SYT1: variants seen among roughly 807,000 people sequenced by gnomAD.
The protein encoded by SYT1 is synaptotagmin 1, also known as synaptotagmin-1.
Under a neutral mutation model 44.8 loss-of-function variants are expected in SYT1, and 8 were observed. The observed-to-expected ratio is 0.18, with a 90% CI of 0.10 to 0.32. The LOEUF (loss-of-function observed/expected upper bound fraction) is 0.32. Among genes scored for constraint, SYT1 ranks in the 10% least tolerant of loss-of-function variants. The pLI, the probability that SYT1 is intolerant of heterozygous loss-of-function variation, is 1.00. For synonymous variants in SYT1, 154 were observed against 188.8 expected (o/e 0.82, Z 1.51); for missense variants, 286 against 509.3 (o/e 0.56, Z 4.22).
chr12:79,279,210 G>A (rs904775836), intron 4 of SYT1, among the ~76,000 whole-genome samples: 1 of 151,272 alleles, frequency 6.6e-6, no homozygotes, highest in Admixed American at 6.6e-5. Flanking sequence ...CAGCCGAATA[G>A]GAAATGTCCC....
intron 9 of SYT1, among the ~76,000 whole-genome samples, chr12:79,437,029 G>A (rs921902481): frequency 6.6e-6 from 1 of 152,088 alleles, no homozygotes; most frequent in Non-Finnish European, 1.5e-5. Context: ...TTTAGATGAG[G>A]AAAGAGAGAA....
In SYT1 at chr12:79,292,014, A is replaced by G; in HGVS notation, c.358A>G (p.Lys120Glu). The G allele has an allele frequency of 1.2e-6, 2 of 1,613,928 alleles. No individual in the cohort carries two copies. The highest frequency in any genetic ancestry group is 1.7e-6 in the Non-Finnish European group (2 of 1,179,984). The change falls in exon 6 of 11, where the codon AAG becomes GAG. Residue 120 changes from lysine to glutamate, a missense_variant. This residue lies in a region of SYT1 where 141 missense variants were observed against 165.7 expected (regional missense o/e 0.85). Transcript: ENST00000261205. ...LGKTMKDQAL[K>E]DDDAETGLTD... ...ATCCTTTCTCTATACATAGGCCCTC[A>G]AGGATGATGATGCTGAAACTGGATT... is the stretch of plus-strand genomic sequence containing the variant.
intron 3 of SYT1, among the ~76,000 whole-genome samples, chr12:79,082,167 G>T (rs1877079058): frequency 6.6e-6 from 1 of 152,158 alleles, no homozygotes; most frequent in African/African-American, 2.4e-5. Context: ...CTTTCTTAGA[G>T]AGGAAGTTAT....
chr12:79,178,519 T>C (rs1364655379), intron 3 of SYT1, among the ~76,000 whole-genome samples: 2 of 151,994 alleles, frequency 1.3e-5, no homozygotes, highest in African/African-American at 4.8e-5. Context: ...GACATTTGTT[T>C]TTTGTTTTGT....
chr12:78,917,800 C>G (rs1462925), intron 1 of SYT1, among the ~76,000 whole-genome samples: 116,874 of 151,882 alleles, frequency 0.77, 45,594 homozygotes, highest in African/African-American at 0.89. Flanking sequence ...TTGGACAGAA[C>G]TAAAGCCTAC....
chr12:78,995,721 T>C (rs1870331186), intron 2 of SYT1: 2 of 152,206 alleles, frequency 1.3e-5, no homozygotes, highest in South Asian at 4.1e-4. Context: ...AGGTAGATTA[T>C]GCTGGGAAAA....
At position 79,294,018 on chromosome 12, in the gene SYT1, A is replaced by G. The variant is rs139330545; in HGVS notation, c.474+1888A>G. Reference sequence around the variant, plus strand: ...CAACTTATATTGGTCTTAATATATAACATATTTTCCAAAAATTTAATCTGG... The same window carrying G: ...CAACTTATATTGGTCTTAATATATAGCATATTTTCCAAAAATTTAATCTGG... On this transcript the variant is annotated intron_variant, in intron 6 of 10. Transcript: ENST00000261205. 4.3e-3 allele frequency among the ~76,000 whole-genome samples: 652 copies of G among 152,214 alleles called. 1 individual carries two copies. The highest frequency in any genetic ancestry group is 0.015 in the African/African-American group (620 of 41,542).
rs80004359 is a variant in SYT1, at chr12:79,127,275, A to G, written c.-18+79913A>G. On this transcript the variant is annotated intron_variant, in intron 3 of 10. Transcript: ENST00000261205. ...TTCTCCATCTTCTAACATTCCAAAA[A>G]TAAATTTTAGTGCCCTTCACACATT... 2.3e-3 allele frequency among the ~76,000 whole-genome samples: 352 copies of G among 152,388 alleles called. 2 individuals carry two copies. The highest frequency in any genetic ancestry group is 4.0e-3 in the Non-Finnish European group (271 of 68,034).
At chr12:79,273,793 C>A (rs1878561925) in intron 4 of SYT1, among the ~76,000 whole-genome samples, 1 of 152,234 alleles carries the variant, frequency 6.6e-6, no homozygotes, top group Non-Finnish European at 1.5e-5. Flanking sequence ...TTGCCAGAAA[C>A]TCCCAACTGT....
chr12:79,045,255 G>C (rs1873938972), intron 2 of SYT1, among the ~76,000 whole-genome samples: 1 of 152,190 alleles, frequency 6.6e-6, no homozygotes, highest in Non-Finnish European at 1.5e-5. Context: ...TCAGACTGCT[G>C]TGCTAGCAAT....
At chr12:78,921,761 A>G (rs960109621) in intron 1 of SYT1, among the ~76,000 whole-genome samples, 4 of 151,960 alleles carry the variant, frequency 2.6e-5, no homozygotes, top group Non-Finnish European at 5.9e-5. Context: ...TGAGATAATT[A>G]CAATGTTATT....
At chr12:78,996,966 G>A (rs887655654) in intron 2 of SYT1, among the ~76,000 whole-genome samples, 1 of 152,084 alleles carries the variant, frequency 6.6e-6, no homozygotes, top group African/African-American at 2.4e-5. Flanking sequence ...AAAGACACTG[G>A]GCTATCTACA....
intron 4 of SYT1, among the ~76,000 whole-genome samples, chr12:79,230,656 G>T (rs1191863299): frequency 2.0e-5 from 3 of 152,122 alleles, no homozygotes; most frequent in African/African-American, 4.8e-5. Context: ...TTTCAGGAAG[G>T]CTGTTTATAT....
chr12:78,977,393 A>G (rs1249822045), intron 1 of SYT1: 1 of 152,240 alleles, frequency 6.6e-6, no homozygotes, highest in Non-Finnish European at 1.5e-5. Flanking sequence ...GCACTCCAGT[A>G]TCCTAACATA....
chr12:79,211,578 T>G (rs561509921), intron 3 of SYT1, among the ~76,000 whole-genome samples: 4 of 150,476 alleles, frequency 2.7e-5, no homozygotes, highest in Admixed American at 1.3e-4. Context: ...CTCCCAATGC[T>G]ATCCCTTCCC....
chr12:78,948,978 ATAT>A (rs1878817373), intron 1 of SYT1, among the ~76,000 whole-genome samples: 1 of 147,730 alleles, frequency 6.8e-6, no homozygotes, highest in South Asian at 2.1e-4. Context: ...ATATTATATT[ATAT>A]TATATTATAT....
At chr12:79,368,141 C>G (rs752840025) in intron 9 of SYT1, among the ~76,000 whole-genome samples, 1 of 149,726 alleles carries the variant, frequency 6.7e-6, no homozygotes, top group South Asian at 2.1e-4. Flanking sequence ...AGTGAGAACA[C>G]GCGGTGTTTG....
chr12:79,343,106 G>A (rs948710117), intron 8 of SYT1, among the ~76,000 whole-genome samples: 3 of 152,176 alleles, frequency 2.0e-5, no homozygotes, highest in African/African-American at 7.2e-5. Context: ...AGGAAAGAAA[G>A]GGAGTCAATA....
At chr12:79,359,354 A>G (rs548973198) in intron 9 of SYT1, among the ~76,000 whole-genome samples, 1 of 152,190 alleles carries the variant, frequency 6.6e-6, no homozygotes, top group African/African-American at 2.4e-5. Context: ...GCTCTCCTTC[A>G]TCATTTTTCT....
Sources: allele counts gnomAD v4.1 joint callset (sites outside exome capture counted in the v4.1 genomes callset), GRCh38; gene constraint gnomAD v4.1.1; regional missense constraint gnomAD v4.1.1; transcripts MANE v1.5; gene names NCBI Gene and HGNC (gene_info 2026-07-23, HGNC 2026-07-21).